Variants in KCNB2 observed in about 807,000 individuals in gnomAD.
The protein encoded by KCNB2 is delayed rectifier potassium channel protein.
Under a neutral mutation model 61.5 loss-of-function variants are expected in KCNB2, and 15 were observed. The ratio of observed to expected loss-of-function variants is 0.24; its 90% CI spans 0.16 to 0.38. The LOEUF (loss-of-function observed/expected upper bound fraction) is 0.38. Among genes scored for constraint, KCNB2 ranks in the 10% least tolerant of loss-of-function variants. KCNB2 has a pLI of 1.00. For missense variants in KCNB2, 828 were observed against 1,125.2 expected, an observed-to-expected ratio of 0.74 and a Z score of 3.78; for synonymous variants, 457 against 446.0, an observed-to-expected ratio of 1.02 and a Z score of -0.31.
intron 2 of KCNB2, among the ~76,000 whole-genome samples, chr8:72,767,714 A>T (rs1253688505): frequency 1.3e-5 from 2 of 152,146 alleles, no homozygotes; most frequent in East Asian, 3.9e-4. Context: ...TTGTGTGGAT[A>T]TGTGTTTTCA....
At chr8:72,648,661 AG>A (rs1163315859) in intron 2 of KCNB2, among the ~76,000 whole-genome samples, 1 of 151,770 alleles carries the variant, frequency 6.6e-6, no homozygotes, top group African/African-American at 2.4e-5. Flanking sequence ...TAATATATTC[AG>A]TTTTTGCCTT....
At chr8:72,921,826 A>G (rs1479286482) in intron 2 of KCNB2, among the ~76,000 whole-genome samples, 1 of 152,130 alleles carries the variant, frequency 6.6e-6, no homozygotes, top group East Asian at 1.9e-4. Context: ...AGTTTCTCCA[A>G]ATTAAACTGG....
intron 2 of KCNB2, among the ~76,000 whole-genome samples, chr8:72,569,223 A>G (rs1806673912): frequency 6.6e-6 from 1 of 152,190 alleles, no homozygotes; most frequent in Non-Finnish European, 1.5e-5. Flanking sequence ...TAGTATTGAC[A>G]TTTTGTGCGT....
intron 2 of KCNB2, among the ~76,000 whole-genome samples, chr8:72,764,607 T>G (rs1206089194): frequency 6.6e-6 from 1 of 152,210 alleles, no homozygotes; most frequent in African/African-American, 2.4e-5. Flanking sequence ...GTACCTCTAG[T>G]GTACCTCACA....
At chr8:72,799,988 G>A (rs2919402) in intron 2 of KCNB2, among the ~76,000 whole-genome samples, 50,205 of 151,974 alleles carry the variant, frequency 0.33, 8,828 homozygotes, top group African/African-American at 0.44. Flanking sequence ...AGAACATTGG[G>A]CTAGCTGGTT....
intron 2 of KCNB2, among the ~76,000 whole-genome samples, chr8:72,705,216 A>G (rs909832181): frequency 7.9e-5 from 12 of 152,258 alleles, no homozygotes; most frequent in African/African-American, 2.9e-4. Flanking sequence ...AGCTTGAGCT[A>G]TTTACCAGTA....
rs1472182375 is a variant in KCNB2 at position 72,937,813 on chromosome 8, G to A, written c.2458G>A (p.Gly820Arg). 1.9e-6 allele frequency: 3 copies of A among 1,614,004 alleles called. No individual in the cohort carries two copies. The highest frequency in any genetic ancestry group is 2.2e-5 in the East Asian group (1 of 44,862). Reference protein sequence around the residue: ...GDDEDFLELPGAREEKQVDSS... With the variant: ...GDDEDFLELPRAREEKQVDSS... ...CGACGAAGACTTCTTAGAGCTCCCAGGGGCAAGGGAGGAGAAGCAGGTGGA... is the reference window on the plus strand; with the variant it reads ...CGACGAAGACTTCTTAGAGCTCCCAAGGGCAAGGGAGGAGAAGCAGGTGGA... Residue 820 changes from glycine to arginine, a missense_variant, in exon 3 of 3, where the codon GGG (glycine) becomes AGG (arginine). Physicochemically the swap from Gly to Arg is moderately radical, Grantham distance 125. Coordinates refer to ENST00000523207, the MANE Select transcript of KCNB2 (RefSeq NM_004770.3).
intron 2 of KCNB2, among the ~76,000 whole-genome samples, chr8:72,580,790 G>C (rs1429201174): frequency 2.0e-5 from 3 of 152,070 alleles, no homozygotes; most frequent in Non-Finnish European, 4.4e-5. Flanking sequence ...TCTCATGCTT[G>C]GACTATTGTT....
intron 2 of KCNB2, among the ~76,000 whole-genome samples, chr8:72,650,434 C>T (rs562909904): frequency 1.3e-5 from 2 of 152,276 alleles, no homozygotes; most frequent in African/African-American, 4.8e-5. Flanking sequence ...AGAGCTCTGG[C>T]TTTGAGTGAG....
intron 2 of KCNB2, among the ~76,000 whole-genome samples, chr8:72,737,437 A>G (rs897868056): frequency 6.6e-6 from 1 of 152,212 alleles, no homozygotes; most frequent in East Asian, 1.9e-4. Context: ...AAACATGGCT[A>G]CTTAGCAGTG....
intron 2 of KCNB2, among the ~76,000 whole-genome samples, chr8:72,924,376 G>A (rs748641845): frequency 1.3e-5 from 2 of 151,882 alleles, no homozygotes; most frequent in Non-Finnish European, 2.9e-5. Flanking sequence ...TTTTTTAAGT[G>A]GCATGCATTT....
chr8:72,626,338 C>T lies in KCNB2; in HGVS notation c.579+58025C>T, dbSNP rs777593342. ...AGGAGCCTGTACTGTATTTGGGAAA[C>T]CACAAATCTAAGGCCACATTCTATA... is the stretch of plus-strand genomic sequence containing the variant. On this transcript the variant is annotated intron_variant, in intron 2 of 2. Transcript: ENST00000523207. Among the ~76,000 whole-genome samples, 149 of 152,288 alleles carry T rather than the reference C, an allele frequency of 9.8e-4. 1 individual carries two copies. The Middle Eastern group carries it at 0.02, about 21-fold the overall frequency.
At chr8:72,567,112 G>C (rs956473612) in intron 1 of KCNB2, among the ~76,000 whole-genome samples, 1 of 151,968 alleles carries the variant, frequency 6.6e-6, no homozygotes, top group African/African-American at 2.4e-5. Flanking sequence ...CTTGCACCTG[G>C]GAGGTCAAGA....
intron 2 of KCNB2, among the ~76,000 whole-genome samples, chr8:72,744,064 TA>T (rs1563577364): frequency 6.6e-6 from 1 of 152,030 alleles, no homozygotes; most frequent in South Asian, 2.1e-4. Flanking sequence ...AAAAATAATA[TA>T]AAAAAAGAAA....
chr8:72,913,528 C>A (rs1806337883), intron 2 of KCNB2, among the ~76,000 whole-genome samples: 1 of 152,238 alleles, frequency 6.6e-6, no homozygotes, highest in Admixed American at 6.5e-5. Flanking sequence ...AGGCAAATAC[C>A]AGGCTAGGTG....
chr8:72,872,655 G>A (rs771193180), intron 2 of KCNB2, among the ~76,000 whole-genome samples: 40 of 152,132 alleles, frequency 2.6e-4, no homozygotes, highest in Non-Finnish European at 5.3e-4. Flanking sequence ...TATTCTACAC[G>A]GAAGAGAGAA....
chr8:72,622,509 G>A (rs1255391040), intron 2 of KCNB2, among the ~76,000 whole-genome samples: 2 of 152,158 alleles, frequency 1.3e-5, no homozygotes, highest in African/African-American at 4.8e-5. Flanking sequence ...CAGCTGCACA[G>A]TGAGATGGGG....
chr8:72,707,687 G>A (rs1179912264), intron 2 of KCNB2, among the ~76,000 whole-genome samples: 1 of 152,176 alleles, frequency 6.6e-6, no homozygotes, highest in Non-Finnish European at 1.5e-5. Context: ...GTCTAAATAA[G>A]AAAACAGAAC....
chr8:72,561,423 T>C (rs1200631139), intron 1 of KCNB2, among the ~76,000 whole-genome samples: 1 of 151,574 alleles, frequency 6.6e-6, no homozygotes, highest in African/African-American at 2.4e-5. Flanking sequence ...CCAAAAAAGT[T>C]CTATTTTTTT....
Sources: allele counts gnomAD v4.1 joint callset (sites outside exome capture counted in the v4.1 genomes callset), GRCh38; gene constraint gnomAD v4.1.1; transcripts MANE v1.5; gene names NCBI Gene and HGNC (gene_info 2026-07-23, HGNC 2026-07-21).